Variants in SEMA5A observed in about 807,000 individuals in gnomAD.
SEMA5A encodes semaphorin-5A.
In SEMA5A, 55 loss-of-function variants were observed where a neutral mutation model predicts 135.5. The ratio of observed to expected loss-of-function variants is 0.41; its 90% CI spans 0.33 to 0.51. The LOEUF (loss-of-function observed/expected upper bound fraction) is 0.51. Among genes scored for constraint, SEMA5A ranks in the 20% least tolerant of loss-of-function variants. SEMA5A has a pLI of 0.37. For synonymous variants in SEMA5A, 580 were observed against 546.5 expected (o/e 1.06, Z -0.85); for missense variants, 1,290 against 1,419.9 (o/e 0.91, Z 1.47).
chr5:9,213,934 G>A (rs575084695), intron 8 of SEMA5A, among the ~76,000 whole-genome samples: 18 of 152,258 alleles, frequency 1.2e-4, no homozygotes, highest in South Asian at 2.1e-4. Context: ...GGGGGCTCTC[G>A]TAAGGTTGGG....
At chr5:9,270,069 A>C (rs2150536293) in intron 5 of SEMA5A, among the ~76,000 whole-genome samples, 1 of 152,268 alleles carries the variant, frequency 6.6e-6, no homozygotes, top group East Asian at 1.9e-4. Flanking sequence ...GGTTTACGCA[A>C]GCATCTGCTT....
chr5:9,194,180 T>A (rs1190070903), intron 10 of SEMA5A, among the ~76,000 whole-genome samples: 4 of 152,208 alleles, frequency 2.6e-5, no homozygotes, highest in Non-Finnish European at 5.9e-5. Flanking sequence ...CTGGATGACT[T>A]TGAGGACTGC....
At chr5:9,084,887 G>A (rs1379936246) in intron 16 of SEMA5A, among the ~76,000 whole-genome samples, 1 of 152,174 alleles carries the variant, frequency 6.6e-6, no homozygotes, top group African/African-American at 2.4e-5. Context: ...GAATGGTTTT[G>A]CCCAAAATGC....
At chr5:9,420,944 A>G (rs1343852123) in intron 2 of SEMA5A, among the ~76,000 whole-genome samples, 3 of 152,198 alleles carry the variant, frequency 2.0e-5, no homozygotes, top group Non-Finnish European at 4.4e-5. Context: ...TGAACCCCGG[A>G]GGGGTAGGTT....
intron 1 of SEMA5A, among the ~76,000 whole-genome samples, chr5:9,529,656 A>C (rs1737336451): frequency 6.6e-6 from 1 of 152,190 alleles, no homozygotes; most frequent in African/African-American, 2.4e-5. Context: ...TCACATTATA[A>C]ACTAGTAACA....
chr5:9,239,963 A>C (rs907070610), intron 5 of SEMA5A, among the ~76,000 whole-genome samples: 1 of 152,130 alleles, frequency 6.6e-6, no homozygotes, highest in African/African-American at 2.4e-5. Flanking sequence ...CCTGCGGCTG[A>C]AATGGCAAAC....
At chr5:9,295,523 G>A (rs1278714737) in intron 5 of SEMA5A, among the ~76,000 whole-genome samples, 1 of 152,142 alleles carries the variant, frequency 6.6e-6, no homozygotes, top group Non-Finnish European at 1.5e-5. Context: ...GGAGTGACTG[G>A]GGAGAAGGAC....
At chr5:9,225,389 TAAAAAAAAAAAAAAA>T (rs34806769) in intron 7 of SEMA5A, among the ~76,000 whole-genome samples, 1 of 43,084 alleles carries the variant, frequency 2.3e-5, no homozygotes, top group Non-Finnish European at 3.9e-5. Flanking sequence ...CCATCTCTAC[TAAAAAAAAAAAAAAA>T]AAAAAAAAAA....
At chr5:9,074,929 A>G (rs1737964079) in intron 16 of SEMA5A, among the ~76,000 whole-genome samples, 1 of 152,196 alleles carries the variant, frequency 6.6e-6, no homozygotes, top group South Asian at 2.1e-4. Context: ...GATCTGGTCC[A>G]TAGAACGGAA....
intron 2 of SEMA5A, among the ~76,000 whole-genome samples, chr5:9,399,789 G>A (rs778402263): frequency 3.3e-5 from 5 of 152,096 alleles, no homozygotes; most frequent in South Asian, 2.1e-4. Flanking sequence ...GGTAAGAGGG[G>A]CTTCCACAGT....
chr5:9,407,441 G>C lies in SEMA5A; in HGVS notation c.-77-27418C>G, dbSNP rs553588126. On this transcript the variant is annotated intron_variant, in intron 2 of 22. Transcript: ENST00000382496. ...TATATAATGGATACCAGAAAAACAG[G>C]CTTCTGTTACCACAGTAATAAGGAC... Among the ~76,000 whole-genome samples, 20 of 152,264 alleles carry C rather than the reference G, an allele frequency of 1.3e-4. No homozygotes were observed. In the South Asian group the frequency reaches 1.5e-3, roughly 11 times the overall value.
intron 6 of SEMA5A, among the ~76,000 whole-genome samples, chr5:9,230,735 G>A (rs1033645864): frequency 6.6e-6 from 1 of 152,084 alleles, no homozygotes; most frequent in African/African-American, 2.4e-5. Context: ...AGAGGAGCCT[G>A]TGGCAATCAG....
intron 1 of SEMA5A, among the ~76,000 whole-genome samples, chr5:9,461,042 A>G (rs1376765221): frequency 1.3e-5 from 2 of 152,342 alleles, no homozygotes; most frequent in African/African-American, 4.8e-5. Context: ...ATGGATGAGA[A>G]AACTTGAGTA....
chr5:9,209,181 C>A (rs185448278), intron 8 of SEMA5A, among the ~76,000 whole-genome samples: 26 of 152,282 alleles, frequency 1.7e-4, no homozygotes, highest in Non-Finnish European at 2.9e-5. Context: ...ATCTTTAGGT[C>A]AATAGGAGTT....
chr5:9,202,425 C>T (rs1745769862), intron 8 of SEMA5A, among the ~76,000 whole-genome samples, 185 bp from the exon 9 acceptor site: 2 of 152,200 alleles, frequency 1.3e-5, no homozygotes, highest in African/African-American at 2.4e-5. Context: ...CAGTGTCATA[C>T]ACAGATTCTA....
chr5:9,151,955 G>A (rs942439761), intron 12 of SEMA5A, among the ~76,000 whole-genome samples: 1 of 152,212 alleles, frequency 6.6e-6, no homozygotes, highest in Non-Finnish European at 1.5e-5. Context: ...CTCTGTGCCT[G>A]GAGCACCAGC....
rs1486225210 is a variant in SEMA5A, at chr5:9,216,130, C to T, written c.646+8544G>A. Among the ~76,000 whole-genome samples, 10 of 152,138 alleles carry T rather than the reference C, an allele frequency of 6.6e-5. No individual in the cohort carries two copies. The East Asian group carries it at 1.9e-3, about 29-fold the overall frequency. On this transcript the variant is annotated intron_variant, in intron 8 of 22. Coordinates refer to ENST00000382496, the MANE Select transcript of SEMA5A (RefSeq NM_003966.3). ...AACTTTTTGATGTGAACATTTAGTG[C>T]TATGCCTCTTCACACTCCCTTAGCT...
At chr5:9,426,143 A>T (rs1396026579) in intron 2 of SEMA5A, among the ~76,000 whole-genome samples, 1 of 152,192 alleles carries the variant, frequency 6.6e-6, no homozygotes, top group Non-Finnish European at 1.5e-5. Flanking sequence ...CCACATTATT[A>T]AATTTGTATT....
chr5:9,299,076 T>C (rs901374067), intron 5 of SEMA5A, among the ~76,000 whole-genome samples: 1 of 151,334 alleles, frequency 6.6e-6, no homozygotes, highest in Admixed American at 6.6e-5. Context: ...ATTTGTGGCA[T>C]CCTCAGTATT....
Sources: gnomAD v4.1 joint callset for allele counts (sites outside exome capture counted in the v4.1 genomes callset) on GRCh38, gnomAD v4.1.1 for gene constraint, MANE v1.5 for transcripts, NCBI Gene and HGNC (gene_info 2026-07-23, HGNC 2026-07-21) for gene names.